The following BICDL1 variants were observed in gnomAD, a reference collection of about 807,000 sequenced individuals.
BICDL1 encodes the protein BICD family-like cargo adapter 1.
BICDL1 carries 20 observed loss-of-function variants against 76.8 expected under a neutral mutation model. That is an observed-to-expected ratio of 0.26 (90% CI 0.18 to 0.38). BICDL1 has a LOEUF of 0.38. BICDL1 is among the 10% of genes least tolerant of loss of function. The pLI is 1.00. For synonymous variants in BICDL1, 383 were observed against 337.1 expected, an observed-to-expected ratio of 1.14 and a Z score of -1.49; for missense variants, 700 against 798.6, an observed-to-expected ratio of 0.88 and a Z score of 1.49.
At chr12:120,023,083 C>T (rs995647029) in intron 2 of BICDL1, among the ~76,000 whole-genome samples, 3 of 152,144 alleles carry the variant, frequency 2.0e-5, no homozygotes. Context: ...GAAGGTGTTG[C>T]CTTAGTAGTA....
At chr12:120,043,573 G>A (rs1952686731) in intron 2 of BICDL1, among the ~76,000 whole-genome samples, 1 of 152,248 alleles carries the variant, frequency 6.6e-6, no homozygotes, top group Admixed American at 6.5e-5. Context: ...CAAAGGCTAA[G>A]TAAATCTACT....
rs147087981 is a variant in BICDL1, at chr12:120,082,973, G to A, written c.1583+1956G>A. ...CGCCTCTTGGGTTCAAGCTATTCTC[G>A]TGCCTCAGCCTCCCGAATAGCTGGG... On this transcript the variant is annotated intron_variant, in intron 8 of 9. Coordinates refer to ENST00000548673, the MANE Select transcript of BICDL1 (RefSeq NM_001367886.1). Among the ~76,000 whole-genome samples, 525 of 151,730 alleles carry A rather than the reference G, an allele frequency of 3.5e-3. 3 individuals carry two copies. Among genetic ancestry groups the A allele is most frequent in the African/African-American group, 0.012 (508 of 41,336 alleles).
intron 6 of BICDL1, among the ~76,000 whole-genome samples, 172 bp downstream of exon 6, chr12:120,072,901 C>T (rs555634063): frequency 5.3e-5 from 8 of 152,308 alleles, no homozygotes; most frequent in Admixed American, 2.6e-4. Context: ...GACAGAGTCT[C>T]GCTCTGTTAC....
Position 120,071,608 on chromosome 12 carries a change from T to C in BICDL1, c.910-14T>C. 6.3e-7 allele frequency: 1 copy of C among 1,596,424 alleles called. No individual in the cohort carries two copies. Among genetic ancestry groups the C allele is most frequent in the Non-Finnish European group, 8.5e-7 (1 of 1,171,030 alleles). On this transcript the variant is annotated splice_polypyrimidine_tract_variant and intron_variant, in intron 4 of 9. Transcript: ENST00000548673. The surrounding 1 kb of genome is among the most constrained non-coding windows in gnomAD (Gnocchi z 4.8). ...TGTTTGGTAAACCTCAACCATTTGC[T>C]CTTTCTTTGAAAGCTGCACCAAAGC...
intron 8 of BICDL1, among the ~76,000 whole-genome samples, chr12:120,086,883 C>G (rs3852586): frequency 0.3 from 45,716 of 152,186 alleles, 8,990 homozygotes; most frequent in African/African-American, 0.55. Context: ...AATGTCCCAA[C>G]GGTGCAGCGC....
intron 2 of BICDL1, among the ~76,000 whole-genome samples, chr12:120,045,868 A>G (rs1346232064): frequency 6.6e-6 from 1 of 151,594 alleles, no homozygotes; most frequent in Non-Finnish European, 1.5e-5. Flanking sequence ...ATGTATGCAT[A>G]TGTAACTAAC....
chr12:120,031,338 G>A (rs1408448599), intron 2 of BICDL1, among the ~76,000 whole-genome samples: 5 of 151,778 alleles, frequency 3.3e-5, no homozygotes, highest in African/African-American at 1.2e-4. Flanking sequence ...TCAGTAGCTG[G>A]GATGACAGGT....
Position 120,075,957 on chromosome 12 carries a change from G to A in BICDL1, c.1452+1371G>A, listed in dbSNP as rs372984725. 4.3e-4 allele frequency among the ~76,000 whole-genome samples: 66 copies of A among 152,322 alleles called. No individual in the cohort carries two copies. In the East Asian group the frequency reaches 0.011, roughly 25 times the overall value. Reference sequence around the variant, plus strand: ...GTGGATCACTTGAGATCGGCAGTTCGAGACCAGCCTGGCCAACATGGCGAA... The same window carrying A: ...GTGGATCACTTGAGATCGGCAGTTCAAGACCAGCCTGGCCAACATGGCGAA... On this transcript the variant is annotated intron_variant, in intron 7 of 9. Coordinates refer to ENST00000548673, the MANE Select transcript of BICDL1 (RefSeq NM_001367886.1).
At chr12:120,032,681 A>G (rs1456994096) in intron 2 of BICDL1, among the ~76,000 whole-genome samples, 2 of 152,052 alleles carry the variant, frequency 1.3e-5, no homozygotes, top group Non-Finnish European at 1.5e-5. Flanking sequence ...AGAGATTGCT[A>G]CTGAAAACAG....
intron 2 of BICDL1, among the ~76,000 whole-genome samples, chr12:120,037,855 A>G (rs1462083269): frequency 6.6e-6 from 1 of 152,236 alleles, no homozygotes; most frequent in Non-Finnish European, 1.5e-5. Context: ...TCTCAGAAGT[A>G]GGCAACTGAG....
At chr12:120,044,657 A>G (rs2138823654) in intron 2 of BICDL1, among the ~76,000 whole-genome samples, 1 of 152,332 alleles carries the variant, frequency 6.6e-6, no homozygotes, top group Middle Eastern at 3.4e-3. Context: ...CATTTATTAA[A>G]TAGGGAATCC....
rs765649959 is a variant in BICDL1 at position 119,998,652 on chromosome 12, T to C, written c.561T>C (p.His187=). ...ATGAGTTGGAGAGGCAGCAGATTCATCTGCGGGAAGCAGATCGAGAAAAAT... is the reference window on the plus strand; with the variant it reads ...ATGAGTTGGAGAGGCAGCAGATTCACCTGCGGGAAGCAGATCGAGAAAAAT... ...LQDELERQQI[H]LREADREKSR... Residue 187 remains histidine (H), a synonymous_variant, in exon 2 of 10, where the codon CAT becomes CAC. Coordinates refer to ENST00000548673, the MANE Select transcript of BICDL1 (RefSeq NM_001367886.1). The C allele has an allele frequency of 4.6e-5, 74 of 1,613,934 alleles. No individual in the cohort carries two copies. Among genetic ancestry groups the C allele is most frequent in the Non-Finnish European group, 5.8e-5 (69 of 1,180,008 alleles).
At chr12:120,076,188 G>A (rs934031640) in intron 7 of BICDL1, among the ~76,000 whole-genome samples, 2 of 152,158 alleles carry the variant, frequency 1.3e-5, no homozygotes, top group African/African-American at 2.4e-5. Flanking sequence ...ACAGCCGAAC[G>A]CTAGAGACTT....
At chr12:120,011,995 C>G (rs1252344551) in intron 2 of BICDL1, among the ~76,000 whole-genome samples, 1 of 152,184 alleles carries the variant, frequency 6.6e-6, no homozygotes, top group Non-Finnish European at 1.5e-5. Context: ...TCCACATGTA[C>G]GTATGCGATC....
At chr12:120,015,042 C>T (rs1218104891) in intron 2 of BICDL1, among the ~76,000 whole-genome samples, 1 of 152,036 alleles carries the variant, frequency 6.6e-6, no homozygotes, top group Non-Finnish European at 1.5e-5. Flanking sequence ...GGGAAAGTGA[C>T]AAAGCTGAAA....
chr12:120,040,072 C>CTT (rs1952607173), intron 2 of BICDL1, among the ~76,000 whole-genome samples: 1 of 152,052 alleles, frequency 6.6e-6, no homozygotes. Context: ...AATCTAAACT[C>CTT]TGTTATTCCA....
chr12:120,009,967 G>C (rs1383052330), intron 2 of BICDL1, among the ~76,000 whole-genome samples: 1 of 152,216 alleles, frequency 6.6e-6, no homozygotes, highest in East Asian at 1.9e-4. Context: ...AGTGGTTTGT[G>C]AAATGTTTGC....
At chr12:120,070,927 A>T (rs778254967) in intron 4 of BICDL1, among the ~76,000 whole-genome samples, 1 of 151,466 alleles carries the variant, frequency 6.6e-6, no homozygotes, top group African/African-American at 2.4e-5. Flanking sequence ...GACAGATTTC[A>T]CCATGTTGGC....
chr12:120,008,439 G>A (rs116636838), intron 2 of BICDL1, among the ~76,000 whole-genome samples: 3,522 of 152,146 alleles, frequency 0.023, 143 homozygotes, highest in African/African-American at 0.081. Flanking sequence ...GATTACAGGC[G>A]TGAGCCACTG....
Sources: gnomAD v4.1 joint callset for allele counts (sites outside exome capture counted in the v4.1 genomes callset) on GRCh38, gnomAD v4.1.1 for gene constraint, Gnocchi (gnomAD v3.1) non-coding constraint, MANE v1.5 for transcripts, NCBI Gene and HGNC (gene_info 2026-07-23, HGNC 2026-07-21) for gene names.